Variants in CTNNB1 observed in about 807,000 individuals in gnomAD.
CTNNB1 encodes the protein catenin beta-1.
A neutral mutation model predicts 82.5 loss-of-function variants in CTNNB1; 6 were observed. That is an observed-to-expected ratio of 0.07 (90% CI 0.04 to 0.14). CTNNB1 has a LOEUF of 0.14. Ranked by LOEUF, CTNNB1 falls within the 10% of genes least tolerant of loss-of-function variation. CTNNB1 has a pLI of 1.00. For missense variants in CTNNB1, 529 were observed against 980.4 expected, an observed-to-expected ratio of 0.54 and a Z score of 6.15; for synonymous variants, 312 against 329.7, an observed-to-expected ratio of 0.95 and a Z score of 0.58.
At chr3:41,229,010 T>C (rs2078241982) in intron 7 of CTNNB1, among the ~76,000 whole-genome samples, 1 of 151,968 alleles carries the variant, frequency 6.6e-6, no homozygotes, top group African/African-American at 2.4e-5. Flanking sequence ...TTTTGTTTAC[T>C]TGTTAGGTGT....
rs139133009 is a variant in CTNNB1 at position 41,231,886 on chromosome 3, G to C, written c.1082-1455G>C. Among the ~76,000 whole-genome samples, 823 of 152,254 alleles carry C rather than the reference G, an allele frequency of 5.4e-3. 2 individuals carry two copies. Among genetic ancestry groups the C allele is most frequent in the African/African-American group, 0.019 (784 of 41,538 alleles). On this transcript the variant is annotated intron_variant, in intron 7 of 14. Transcript: ENST00000349496. ...AGGAGCTAAGGGAGCAACCAAAAAC[G>C]GTTTGTGGAGGGGACAACATTGGTA...
chr3:41,231,242 G>C (rs1278989729), intron 7 of CTNNB1, among the ~76,000 whole-genome samples: 1 of 151,956 alleles, frequency 6.6e-6, no homozygotes, highest in Non-Finnish European at 1.5e-5. Flanking sequence ...CAGGAGAATG[G>C]TGTGAACCCG....
chr3:41,208,970 C>G (rs1448093887), intron 1 of CTNNB1, among the ~76,000 whole-genome samples: 1 of 152,166 alleles, frequency 6.6e-6, no homozygotes, highest in African/African-American at 2.4e-5. Context: ...TTATGTACTC[C>G]CGTTTTCTTT....
chr3:41,229,182 A>G (rs559759893), intron 7 of CTNNB1, among the ~76,000 whole-genome samples: 2 of 152,178 alleles, frequency 1.3e-5, no homozygotes, highest in South Asian at 2.1e-4. Flanking sequence ...TGCCTTGGCT[A>G]TTCAGGCTCT....
rs369598384 is a variant in CTNNB1, at chr3:41,234,130, G to T, written c.1525-9G>T. The T allele has an allele frequency of 3.1e-6, 5 of 1,614,040 alleles. No individual in the cohort carries two copies. The African/African-American group carries it at 6.7e-5, about 22-fold the overall frequency. ...GAGTTGTATGCCAGTTCTTCCTTCT[G>T]TTTTTCAGGCTACTGTTGGATTGAT... is the stretch of plus-strand genomic sequence containing the variant. On this transcript the variant is annotated splice_polypyrimidine_tract_variant and intron_variant, in intron 9 of 14. Transcript: ENST00000349496.
Position 41,240,190 on chromosome 3 carries a change from AGAAAATG to A in CTNNB1, c.*850_*856del. The A allele has an allele frequency of 4.9e-6, 1 of 202,452 alleles. No individual in the cohort carries two copies. Among genetic ancestry groups the A allele is most frequent in the East Asian group, 7.7e-5 (1 of 12,992 alleles). 12.5% of individuals were successfully genotyped at this position (202,452 alleles called of 1,614,324 possible). ...GCCTTTTTGTATAAAATAGACAAATAGAAAATGGTCCAATTAGTTTCCTTTTTAATAT... is the reference window on the plus strand; with the variant it reads ...GCCTTTTTGTATAAAATAGACAAATAGTCCAATTAGTTTCCTTTTTAATAT... On this transcript the variant is annotated 3_prime_UTR_variant, in exon 15 of 15. Coordinates refer to ENST00000349496, the MANE Select transcript of CTNNB1 (RefSeq NM_001904.4).
chr3:41,209,559 A>G (rs1197520626), intron 1 of CTNNB1, among the ~76,000 whole-genome samples: 1 of 152,208 alleles, frequency 6.6e-6, no homozygotes, highest in Non-Finnish European at 1.5e-5. Flanking sequence ...TGATGGGGAT[A>G]CATTCAGAAA....
chr3:41,237,712 T>C (rs1239533030), intron 13 of CTNNB1: 1 of 189,584 alleles, frequency 5.3e-6, no homozygotes, highest in African/African-American at 2.4e-5. Flanking sequence ...TTTTTTTTTT[T>C]TTTTTTAAAC....
chr3:41,204,092 G>C (rs2077593915), intron 1 of CTNNB1, among the ~76,000 whole-genome samples: 1 of 151,358 alleles, frequency 6.6e-6, no homozygotes, highest in Admixed American at 6.6e-5. Context: ...CTATAGTTAG[G>C]GTTTTTTTTT....
At chr3:41,230,039 A>G (rs972408904) in intron 7 of CTNNB1, among the ~76,000 whole-genome samples, 1 of 152,214 alleles carries the variant, frequency 6.6e-6, no homozygotes, top group Admixed American at 6.5e-5. Flanking sequence ...AAGGCATTTA[A>G]TGGAAGAAAA....
intron 1 of CTNNB1, 95 bp downstream of exon 1, chr3:41,199,765 T>TGGGCGCAGCC (rs913694354): frequency 2.7e-5 from 4 of 146,078 alleles, no homozygotes; most frequent in African/African-American, 1.0e-4. Context: ...GGCGGCGGGC[T>TGGGCGCAGCC]GGGCGCAGCC....
At chr3:41,207,194 C>T (rs572449677) in intron 1 of CTNNB1, among the ~76,000 whole-genome samples, 1 of 151,920 alleles carries the variant, frequency 6.6e-6, no homozygotes, top group Non-Finnish European at 1.5e-5. Context: ...GATGAGATAT[C>T]TAGGAATGCC....
intron 1 of CTNNB1, among the ~76,000 whole-genome samples, chr3:41,218,544 T>C (rs1178835497): frequency 6.6e-6 from 1 of 152,086 alleles, no homozygotes; most frequent in Non-Finnish European, 1.5e-5. Flanking sequence ...TATTAAAAAT[T>C]TGGTTAAACT....
At chr3:41,228,131 T>G (rs1193351202) in intron 7 of CTNNB1, among the ~76,000 whole-genome samples, 1 of 152,188 alleles carries the variant, frequency 6.6e-6, no homozygotes, top group African/African-American at 2.4e-5. Flanking sequence ...TTGATGGGCA[T>G]TTAGGTTAAT....
chr3:41,220,832 C>T (rs906793705), intron 1 of CTNNB1: 1 of 152,146 alleles, frequency 6.6e-6, no homozygotes, highest in Non-Finnish European at 1.5e-5. Context: ...TAATAATACT[C>T]AAACTTACTG....
At chr3:41,236,935 A>G (rs1021207457) in intron 13 of CTNNB1, 1 of 612,060 alleles carries the variant, frequency 1.6e-6, no homozygotes, top group African/African-American at 1.8e-5. Context: ...ATTTAAAATT[A>G]TAATTCATAA....
In CTNNB1 at chr3:41,239,308, G is replaced by C. The variant is rs1480609787; in HGVS notation, c.2312G>C (p.Ser771Thr). The stretch of plus-strand genomic sequence containing the variant: ...ATGGATGGGCTGCCTCCAGGTGACA[G>C]CAATCAGCTGGCCTGGTTTGATACT... ...DLMDGLPPGD[S>T]NQLAWFDTDL Residue 771 changes from serine (S) to threonine (T), a missense_variant, in exon 15 of 15, where the codon AGC (serine) becomes ACC (threonine). Physicochemically the swap from Ser to Thr is moderately conservative, Grantham distance 58. This residue lies in a region of CTNNB1 where 102 missense variants were observed against 130.8 expected (regional missense o/e 0.78). Transcript: ENST00000349496. 3 of 1,614,028 alleles carry C rather than the reference G, an allele frequency of 1.9e-6. No individual in the cohort carries two copies. Among genetic ancestry groups the C allele is most frequent in the Non-Finnish European group, 2.5e-6 (3 of 1,180,018 alleles).
intron 1 of CTNNB1, among the ~76,000 whole-genome samples, chr3:41,213,261 A>G (rs570999629): frequency 3.3e-5 from 5 of 152,068 alleles, no homozygotes; most frequent in African/African-American, 1.2e-4. Context: ...GTTATTTTCT[A>G]TTTCTGGGAT....
chr3:41,219,223 T>C (rs1414395068), intron 1 of CTNNB1, among the ~76,000 whole-genome samples: 1 of 152,216 alleles, frequency 6.6e-6, no homozygotes, highest in African/African-American at 2.4e-5. Flanking sequence ...GAGTGAAAGA[T>C]TGTTTAAAAA....
Sources: gnomAD v4.1 joint callset for allele counts (sites outside exome capture counted in the v4.1 genomes callset) on GRCh38, gnomAD v4.1.1 for gene constraint, gnomAD v4.1.1 regional missense constraint, MANE v1.5 for transcripts, NCBI Gene and HGNC (gene_info 2026-07-23, HGNC 2026-07-21) for gene names.